The following HS6ST3 variants were observed in gnomAD, a reference collection of about 807,000 sequenced individuals.
HS6ST3 encodes the protein heparan-sulfate 6-O-sulfotransferase 3.
Under a neutral mutation model 36.7 loss-of-function variants are expected in HS6ST3, and 12 were observed. That is an observed-to-expected ratio of 0.33 (90% CI 0.21 to 0.53). HS6ST3 has a LOEUF of 0.53. Among genes scored for constraint, HS6ST3 ranks in the 20% least tolerant of loss-of-function variants. The pLI, the probability that HS6ST3 is intolerant of heterozygous loss-of-function variation, is 0.95. For missense variants in HS6ST3, 584 were observed against 640.9 expected, an observed-to-expected ratio of 0.91 and a Z score of 0.96; for synonymous variants, 240 against 257.5, an observed-to-expected ratio of 0.93 and a Z score of 0.65.
rs75529844 is a variant in HS6ST3, at chr13:96,404,734, G to C, written c.707+313165G>C. ...GTAAATCAGAGGACAGTGGTGAGCT[G>C]GGGGAAATTAGATCAGATAATAGAA... On this transcript the variant is annotated intron_variant, in intron 1 of 1. Transcript: ENST00000376705. 5.3e-4 allele frequency among the ~76,000 whole-genome samples: 81 copies of C among 152,268 alleles called. 1 individual carries two copies. The East Asian group carries it at 9.9e-3, about 19-fold the overall frequency.
At chr13:96,492,497 T>A (rs2138906563) in intron 1 of HS6ST3, among the ~76,000 whole-genome samples, 1 of 152,338 alleles carries the variant, frequency 6.6e-6, no homozygotes, top group Middle Eastern at 3.4e-3. Context: ...GTAATTTGAG[T>A]ACTTTGCCTT....
chr13:96,330,867 A>G (rs1260013092), intron 1 of HS6ST3, among the ~76,000 whole-genome samples: 131 of 150,088 alleles, frequency 8.7e-4, no homozygotes, highest in Middle Eastern at 3.4e-3. Context: ...TATTTCTTGG[A>G]GGCTTTGCTC....
intron 1 of HS6ST3, among the ~76,000 whole-genome samples, chr13:96,399,693 T>C (rs2055439504): frequency 6.6e-6 from 1 of 152,368 alleles, no homozygotes; most frequent in East Asian, 1.9e-4. Context: ...GCTGGAGATG[T>C]CCAAGGGTCT....
chr13:96,305,540 G>T (rs1483319103), intron 1 of HS6ST3, among the ~76,000 whole-genome samples: 1 of 152,054 alleles, frequency 6.6e-6, no homozygotes, highest in Non-Finnish European at 1.5e-5. Flanking sequence ...ATTCCATATA[G>T]AATTTCTCTG....
At chr13:96,225,487 T>C (rs1478052464) in intron 1 of HS6ST3, among the ~76,000 whole-genome samples, 1 of 152,250 alleles carries the variant, frequency 6.6e-6, no homozygotes, top group Non-Finnish European at 1.5e-5. Flanking sequence ...CCTCACTGCA[T>C]AGTTAGGATT....
At chr13:96,816,332 A>T (rs570071534) in intron 1 of HS6ST3, among the ~76,000 whole-genome samples, 1 of 152,344 alleles carries the variant, frequency 6.6e-6, no homozygotes, top group South Asian at 2.1e-4. Flanking sequence ...ACTTGAGGGT[A>T]CCAGTGACTC....
intron 1 of HS6ST3, among the ~76,000 whole-genome samples, chr13:96,259,767 T>A (rs759532202): frequency 9.9e-5 from 15 of 152,202 alleles, no homozygotes; most frequent in Non-Finnish European, 2.2e-4. Context: ...TTTTTCTACC[T>A]GTTGTTGTTT....
chr13:96,616,373 AC>A (rs2056474430), intron 1 of HS6ST3, among the ~76,000 whole-genome samples: 1 of 152,152 alleles, frequency 6.6e-6, no homozygotes, highest in Admixed American at 6.5e-5. Context: ...ACATTTTATC[AC>A]CAGTTTTTTA....
chr13:96,580,684 A>G (rs549772997), intron 1 of HS6ST3, among the ~76,000 whole-genome samples: 18 of 152,260 alleles, frequency 1.2e-4, no homozygotes, highest in African/African-American at 4.3e-4. Context: ...AAGGTGCATG[A>G]CGAAAATAAA....
At chr13:96,506,502 T>G (rs574261477) in intron 1 of HS6ST3, among the ~76,000 whole-genome samples, 1 of 152,302 alleles carries the variant, frequency 6.6e-6, no homozygotes, top group South Asian at 2.1e-4. Context: ...CATTAATTCA[T>G]CTCTTAAATA....
At chr13:96,116,903 A>G (rs905592393) in intron 1 of HS6ST3, among the ~76,000 whole-genome samples, 11 of 152,164 alleles carry the variant, frequency 7.2e-5, no homozygotes, top group African/African-American at 2.7e-4. Context: ...TTAAGGAGAG[A>G]TGAACATTTA....
At chr13:96,188,252 T>C (rs1247366779) in intron 1 of HS6ST3, among the ~76,000 whole-genome samples, 1 of 152,188 alleles carries the variant, frequency 6.6e-6, no homozygotes, top group Non-Finnish European at 1.5e-5. Flanking sequence ...GTAAGTATGA[T>C]GTTTATAGTG....
rs982418691 is a variant in HS6ST3, at chr13:96,090,794, C to G, written c.-69C>G. The G allele has an allele frequency of 7.5e-6, 10 of 1,328,900 alleles. No individual in the cohort carries two copies. Among genetic ancestry groups the G allele is most frequent in the Non-Finnish European group, 8.8e-6 (9 of 1,024,492 alleles). 82.3% of individuals were successfully genotyped at this position (1,328,900 alleles called of 1,614,324 possible). A position where few individuals can be genotyped will look rare whatever the true frequency, so the allele number is the denominator to read the frequency against. ...CGCGCCCCGGAGTCCGCGAAACTTCCGAGCGGGCGCCCGTCCGCCCTGCCG... is the reference window on the plus strand; with the variant it reads ...CGCGCCCCGGAGTCCGCGAAACTTCGGAGCGGGCGCCCGTCCGCCCTGCCG... On this transcript the variant is annotated 5_prime_UTR_variant, in exon 1 of 2. Transcript: ENST00000376705.
intron 1 of HS6ST3, among the ~76,000 whole-genome samples, chr13:96,415,758 A>G (rs1284029211): frequency 6.6e-6 from 1 of 152,254 alleles, no homozygotes; most frequent in African/African-American, 2.4e-5. Context: ...GAACTGGAAC[A>G]GGTGGGTACA....
At chr13:96,098,565 A>G (rs2139293458) in intron 1 of HS6ST3, among the ~76,000 whole-genome samples, 1 of 152,342 alleles carries the variant, frequency 6.6e-6, no homozygotes, top group African/African-American at 2.4e-5. Context: ...TCACACCTGT[A>G]ATCCCAGAAC....
chr13:96,584,316 GTAT>G (rs539751963), intron 1 of HS6ST3, among the ~76,000 whole-genome samples: 11 of 151,970 alleles, frequency 7.2e-5, no homozygotes, highest in South Asian at 2.1e-4. Flanking sequence ...GCTAATTTTT[GTAT>G]TTTTAGTAGA....
rs560789576 is a variant in HS6ST3, at chr13:96,106,161, C to T, written c.707+14592C>T. 4.1e-4 allele frequency among the ~76,000 whole-genome samples: 63 copies of T among 152,280 alleles called. 1 individual carries two copies. Among genetic ancestry groups the T allele is most frequent in the Middle Eastern group, 3.4e-3 (1 of 292 alleles). On this transcript the variant is annotated intron_variant, in intron 1 of 1. Coordinates refer to ENST00000376705, the MANE Select transcript of HS6ST3 (RefSeq NM_153456.4). The stretch of plus-strand genomic sequence containing the variant: ...GTAGTAGTAGTTGTTAAAGTATTAA[C>T]GTCCAATAAATTCTCTGATACTCTT...
intron 1 of HS6ST3, among the ~76,000 whole-genome samples, chr13:96,315,597 C>T (rs991760388): frequency 9.2e-5 from 14 of 151,902 alleles, no homozygotes; most frequent in African/African-American, 3.1e-4. Context: ...TTATATAATA[C>T]AGAATGCAGT....
At chr13:96,791,438 T>C (rs1017566795) in intron 1 of HS6ST3, among the ~76,000 whole-genome samples, 12 of 151,974 alleles carry the variant, frequency 7.9e-5, no homozygotes, top group Non-Finnish European at 1.5e-4. Flanking sequence ...TGGTTGTCCC[T>C]GGTCCCTCTG....
Sources: allele counts gnomAD v4.1 joint callset (sites outside exome capture counted in the v4.1 genomes callset), GRCh38; gene constraint gnomAD v4.1.1; transcripts MANE v1.5; gene names NCBI Gene and HGNC (gene_info 2026-07-23, HGNC 2026-07-21).